The following DTNB variants were observed in gnomAD, a reference collection of about 807,000 sequenced individuals.
DTNB encodes the protein dystrobrevin beta.
A neutral mutation model predicts 90.7 loss-of-function variants in DTNB; 63 were observed. The observed-to-expected ratio is 0.69, with a 90% CI of 0.57 to 0.86. DTNB has a LOEUF of 0.86. Among genes scored for constraint, DTNB ranks in the 40% least tolerant of loss-of-function variants. The probability of loss-of-function intolerance (pLI) is 0.00; values close to 1 mark genes in which losing one functional copy is unlikely to be tolerated. For missense variants in DTNB, 744 were observed against 807.1 expected (o/e 0.92, Z 0.95); for synonymous variants, 277 against 286.7 (o/e 0.97, Z 0.34).
chr2:25,498,272 A>T (rs371193245), intron 9 of DTNB, among the ~76,000 whole-genome samples: 4 of 152,346 alleles, frequency 2.6e-5, no homozygotes, highest in African/African-American at 9.6e-5. Context: ...ATTTACTTAG[A>T]TAAATGAAGA....
intron 2 of DTNB, among the ~76,000 whole-genome samples, chr2:25,642,376 C>A (rs2078519813): frequency 6.6e-6 from 1 of 151,908 alleles, no homozygotes; most frequent in Non-Finnish European, 1.5e-5. Context: ...CACTGCAGAT[C>A]AACTTCCTGA....
intron 6 of DTNB, among the ~76,000 whole-genome samples, chr2:25,590,624 CTG>C (rs1352547028): frequency 3.3e-5 from 5 of 151,800 alleles, no homozygotes; most frequent in Non-Finnish European, 7.4e-5. Flanking sequence ...ACAGGAGACT[CTG>C]GGGTGGGTAG....
At chr2:25,629,139 C>T (rs917972547) in intron 3 of DTNB, among the ~76,000 whole-genome samples, 3 of 152,070 alleles carry the variant, frequency 2.0e-5, no homozygotes, top group African/African-American at 7.2e-5. Flanking sequence ...TGATGCCTGA[C>T]TTCAAGCAAC....
chr2:25,520,429 A>G (rs1197234978), intron 9 of DTNB, among the ~76,000 whole-genome samples: 2 of 152,252 alleles, frequency 1.3e-5, no homozygotes, highest in Admixed American at 1.3e-4. Context: ...GCAATTCACC[A>G]TAAGTGCCCT....
intron 4 of DTNB, among the ~76,000 whole-genome samples, chr2:25,608,260 T>C (rs948320783): frequency 3.3e-5 from 5 of 152,236 alleles, no homozygotes; most frequent in Non-Finnish European, 7.3e-5. Context: ...ATCCTATTTA[T>C]ATCCACAATG....
intron 6 of DTNB, among the ~76,000 whole-genome samples, chr2:25,588,935 T>C (rs1256428747): frequency 2.6e-5 from 4 of 152,188 alleles, no homozygotes; most frequent in African/African-American, 9.7e-5. Flanking sequence ...CTAACGGAGA[T>C]TATAAAATCT....
chr2:25,645,642 T>C (rs2079279471), intron 2 of DTNB, among the ~76,000 whole-genome samples: 1 of 151,984 alleles, frequency 6.6e-6, no homozygotes, highest in South Asian at 2.1e-4. Flanking sequence ...GGTTTCACCA[T>C]GTTGCCCAGG....
chr2:25,526,395 A>ACATATATTTT (rs1553488028), intron 9 of DTNB, among the ~76,000 whole-genome samples: 1 of 49,858 alleles, frequency 2.0e-5, no homozygotes, highest in Non-Finnish European at 3.4e-5. Flanking sequence ...ATATATATAT[A>ACATATATTTT]TTTTTTTTTT....
Position 25,653,303 on chromosome 2 carries a change from G to C in DTNB, c.-1-642C>G, listed in dbSNP as rs371480293. ...GTGAAATCTGATGGGTTTATCAGGG[G>C]TTTCCGCTTTTGCTTTTTCTACATT... On this transcript the variant is annotated intron_variant, in intron 1 of 20. Coordinates refer to ENST00000406818, the MANE Select transcript of DTNB (RefSeq NM_021907.5). The C allele has an allele frequency of 2.6e-5, 4 of 152,782 alleles. No individual in the cohort carries two copies. The South Asian group carries it at 6.2e-4, about 24-fold the overall frequency. The allele number at this position is 152,782 out of a possible 1,614,324, so 9.5% of individuals were successfully genotyped here.
At position 25,414,248 on chromosome 2, in the gene DTNB, G is replaced by A. The variant is rs538507606; in HGVS notation, c.1575+5267C>T. Among the ~76,000 whole-genome samples the A allele has an allele frequency of 4.0e-5, 6 of 151,608 alleles. No individual in the cohort carries two copies. The South Asian group carries it at 1.3e-3, about 32-fold the overall frequency. The stretch of plus-strand genomic sequence containing the variant: ...AGGTTGCCTGTTCACTCTGATGGTA[G>A]TTTTTTTTTGTTTGTTTGTTTTTGG... On this transcript the variant is annotated intron_variant, in intron 16 of 20. Transcript: ENST00000406818.
chr2:25,624,239 G>A (rs768407979), intron 4 of DTNB, among the ~76,000 whole-genome samples: 15 of 152,154 alleles, frequency 9.9e-5, no homozygotes, highest in African/African-American at 1.9e-4. Flanking sequence ...AATCTTAAGC[G>A]TATCTGATTG....
chr2:25,664,063 A>C (rs1407986876), intron 1 of DTNB, among the ~76,000 whole-genome samples: 5 of 152,238 alleles, frequency 3.3e-5, no homozygotes, highest in Non-Finnish European at 5.9e-5. Flanking sequence ...CTCAATTTAT[A>C]AGATTAGCCC....
In DTNB at chr2:25,424,829, G is replaced by A. The variant is rs535219420; in HGVS notation, c.1554+2706C>T. ...ATTATAGGCACGTGCCACCGTGCCC[G>A]GCTAATTTTTGTGTTTTTAGTAGAG... is the stretch of plus-strand genomic sequence containing the variant. On this transcript the variant is annotated intron_variant, in intron 15 of 20. Transcript: ENST00000406818. The surrounding 1 kb of genome is among the most constrained non-coding windows in gnomAD (Gnocchi z 4.1). Among the ~76,000 whole-genome samples, 64 of 152,108 alleles carry A rather than the reference G, an allele frequency of 4.2e-4. No homozygotes were observed. The highest frequency in any genetic ancestry group is 8.1e-4 in the Non-Finnish European group (55 of 67,972).
Position 25,552,841 on chromosome 2 carries a change from A to ATT in DTNB, c.877-21246_877-21245dup, listed in dbSNP as rs544243784. The stretch of plus-strand genomic sequence containing the variant: ...GAAAATTATATAATTTCTCTTTTTG[A>ATT]TTTTTTTTTTTTTTTTTTTTTTTTT... On this transcript the variant is annotated intron_variant, in intron 8 of 20. Transcript: ENST00000406818. Among the ~76,000 whole-genome samples the ATT allele has an allele frequency of 8.5e-4, 73 of 86,034 alleles. 2 individuals are homozygous for ATT. Among genetic ancestry groups the ATT allele is most frequent in the Middle Eastern group, 9.3e-3 (1 of 108 alleles). 56.4% of individuals were successfully genotyped at this position (86,034 alleles called of 152,430 possible). A position where few individuals can be genotyped will look rare whatever the true frequency, so the allele number is the denominator to read the frequency against.
chr2:25,393,199 C>T (rs543455415), intron 16 of DTNB, among the ~76,000 whole-genome samples: 2 of 152,144 alleles, frequency 1.3e-5, no homozygotes, highest in African/African-American at 4.8e-5. Context: ...TGACTAAAAC[C>T]CTCAGCAAAA....
At chr2:25,627,983 T>A (rs763997877) in intron 4 of DTNB, among the ~76,000 whole-genome samples, 188 bp downstream of exon 4, 1 of 152,102 alleles carries the variant, frequency 6.6e-6, no homozygotes, top group East Asian at 1.9e-4. Context: ...TGATTTGCCC[T>A]CCTTGGCCTC....
At chr2:25,662,109 T>C (rs768565248) in intron 1 of DTNB, among the ~76,000 whole-genome samples, 29 of 151,796 alleles carry the variant, frequency 1.9e-4, no homozygotes, top group Non-Finnish European at 3.8e-4. Flanking sequence ...GGAGCTGAGA[T>C]TGTGTCACTG....
chr2:25,577,808 C>T (rs905685248), intron 7 of DTNB, among the ~76,000 whole-genome samples: 16 of 152,266 alleles, frequency 1.1e-4, no homozygotes, highest in Admixed American at 3.3e-4. Context: ...CGAGACCAGC[C>T]TGACCAACAT....
chr2:25,667,916 T>TA (rs2084867535), intron 1 of DTNB, among the ~76,000 whole-genome samples: 1 of 152,120 alleles, frequency 6.6e-6, no homozygotes. Context: ...GGTGCTTCCA[T>TA]AAAAAGGAAT....
Sources: allele counts gnomAD v4.1 joint callset (sites outside exome capture counted in the v4.1 genomes callset), GRCh38; gene constraint gnomAD v4.1.1; non-coding constraint Gnocchi (gnomAD v3.1); transcripts MANE v1.5; gene names NCBI Gene and HGNC (gene_info 2026-07-23, HGNC 2026-07-21).